The following SOX5 variants were observed in gnomAD, a reference collection of about 807,000 sequenced individuals.
The protein encoded by SOX5 is transcription factor SOX-5.
A neutral mutation model predicts 92.0 loss-of-function variants in SOX5; 9 were observed. The observed-to-expected ratio is 0.10, with a 90% CI of 0.06 to 0.17. The LOEUF is 0.17. Among genes scored for constraint, SOX5 ranks in the 10% least tolerant of loss-of-function variants. The pLI is 1.00. For missense variants in SOX5, 642 were observed against 944.5 expected, an observed-to-expected ratio of 0.68 and a Z score of 4.20; for synonymous variants, 344 against 336.3, an observed-to-expected ratio of 1.02 and a Z score of -0.25.
chr12:24,518,263 T>A (rs1949973902), intron 1 of SOX5, among the ~76,000 whole-genome samples: 1 of 151,956 alleles, frequency 6.6e-6, no homozygotes, highest in African/African-American at 2.4e-5. Flanking sequence ...GAAACGGGGT[T>A]TCACCATGTT....
At position 24,393,490 on chromosome 12, in the gene SOX5, C is replaced by T. The variant is rs57774163; in HGVS notation, c.-250-24851G>A. 0.23 allele frequency among the ~76,000 whole-genome samples: 35,241 copies of T among 151,954 alleles called. 5,820 individuals carry two copies. The highest frequency in any genetic ancestry group is 0.47 in the African/African-American group (19,362 of 41,398). ...AGGGTCATCTGTACTGAGTCTACCA[C>T]CCACCCCAAAATAAGTAGGTATCTG... On this transcript the variant is annotated intron_variant, in intron 1 of 4. Coordinates refer to the SOX5 transcript ENST00000446891. The surrounding 1 kb of genome is among the most constrained non-coding windows in gnomAD (Gnocchi z 5.0).
intron 4 of SOX5, among the ~76,000 whole-genome samples, chr12:23,985,092 C>T (rs1204677472): frequency 1.3e-5 from 2 of 151,910 alleles, no homozygotes; most frequent in African/African-American, 4.8e-5. Context: ...TTTCAAAGAT[C>T]CCCTCTATAA....
At chr12:23,849,195 T>C (rs963790943) in intron 2 of SOX5, among the ~76,000 whole-genome samples, 1 of 152,220 alleles carries the variant, frequency 6.6e-6, no homozygotes, top group Admixed American at 6.5e-5. Context: ...TCAAGTGACA[T>C]TTCATCCTTG....
intron 1 of SOX5, among the ~76,000 whole-genome samples, chr12:24,527,511 C>T (rs1317469143): frequency 6.6e-6 from 1 of 152,196 alleles, no homozygotes; most frequent in Admixed American, 6.5e-5. Flanking sequence ...GAATTCACCT[C>T]TAAATATGAC....
intron 9 of SOX5, among the ~76,000 whole-genome samples, chr12:23,581,354 C>T (rs187435474): frequency 6.6e-6 from 1 of 152,110 alleles, no homozygotes; most frequent in East Asian, 1.9e-4. Flanking sequence ...ATGATTAAAC[C>T]CTTCAGAATA....
intron 4 of SOX5, among the ~76,000 whole-genome samples, chr12:24,175,728 C>G (rs1355961846): frequency 6.6e-6 from 1 of 152,132 alleles, no homozygotes; most frequent in African/African-American, 2.4e-5. Flanking sequence ...ATTTGTGGAG[C>G]CAACACGAGA....
chr12:24,003,786 A>G (rs1951863315), intron 4 of SOX5, among the ~76,000 whole-genome samples: 1 of 151,876 alleles, frequency 6.6e-6, no homozygotes, highest in African/African-American at 2.4e-5. Flanking sequence ...TTTTGGAAAA[A>G]ACTTACAAGT....
rs1451009838 is a variant in SOX5, at chr12:23,531,619, C to G, written c.*2600G>C. The G allele has an allele frequency of 1.3e-5, 2 of 152,060 alleles. No homozygotes were observed. Among genetic ancestry groups the G allele is most frequent in the African/African-American group, 4.8e-5 (2 of 41,414 alleles). 9.4% of individuals were successfully genotyped at this position (152,060 alleles called of 1,614,324 possible). The stretch of plus-strand genomic sequence containing the variant: ...AACAAATTTTTTAAAAATCTGTTTT[C>G]ACATTGTACATAAAAATGATATAAA... On this transcript the variant is annotated 3_prime_UTR_variant, in exon 15 of 15. Transcript: ENST00000451604.
At chr12:24,444,313 C>T (rs1372813185) in intron 1 of SOX5, among the ~76,000 whole-genome samples, 1 of 151,120 alleles carries the variant, frequency 6.6e-6, no homozygotes, top group African/African-American at 2.4e-5. Context: ...TGCACCCATG[C>T]ACGTGTGTGA....
At chr12:24,068,853 A>G (rs1941327971) in intron 4 of SOX5, among the ~76,000 whole-genome samples, 1 of 150,534 alleles carries the variant, frequency 6.6e-6, no homozygotes, top group Non-Finnish European at 1.5e-5. Flanking sequence ...GACTTCAAGG[A>G]CCCTAAAAGT....
At chr12:24,482,935 G>C (rs2137829489) in intron 1 of SOX5, among the ~76,000 whole-genome samples, 1 of 152,216 alleles carries the variant, frequency 6.6e-6, no homozygotes, top group Non-Finnish European at 1.5e-5. Context: ...TAGCATGTGG[G>C]TGTAAATATA....
chr12:23,895,414 T>C (rs77881042), intron 2 of SOX5, among the ~76,000 whole-genome samples: 1,951 of 152,152 alleles, frequency 0.013, 40 homozygotes, highest in African/African-American at 0.043. Flanking sequence ...ATGTTGGAAA[T>C]GTTCAAACTA....
At chr12:24,546,252 C>T (rs1242317694) in intron 1 of SOX5, among the ~76,000 whole-genome samples, 2 of 152,208 alleles carry the variant, frequency 1.3e-5, no homozygotes, top group African/African-American at 4.8e-5. Flanking sequence ...AATATTAATA[C>T]ATCACTGAAT....
At chr12:23,930,940 A>G (rs550268903) in intron 1 of SOX5, among the ~76,000 whole-genome samples, 3 of 151,840 alleles carry the variant, frequency 2.0e-5, no homozygotes, top group Non-Finnish European at 3.0e-5. Context: ...GTGTTCTACC[A>G]TAACACCTGA....
chr12:23,632,726 T>A (rs1871403), intron 8 of SOX5, among the ~76,000 whole-genome samples: 65,464 of 151,904 alleles, frequency 0.43, 14,792 homozygotes, highest in South Asian at 0.58. Flanking sequence ...CCAATATTAC[T>A]TCGTATACCT....
chr12:23,920,765 C>T (rs903869229), intron 1 of SOX5, among the ~76,000 whole-genome samples: 1 of 152,218 alleles, frequency 6.6e-6, no homozygotes, highest in Non-Finnish European at 1.5e-5. Flanking sequence ...TCCATAGTTA[C>T]TTAATTTGAG....
intron 6 of SOX5, among the ~76,000 whole-genome samples, chr12:23,691,974 T>C (rs2088900830): frequency 6.6e-6 from 1 of 152,182 alleles, no homozygotes; most frequent in African/African-American, 2.4e-5. Flanking sequence ...ATTAATTTTC[T>C]TTATTTACTG....
At chr12:24,423,895 T>C (rs1041388231) in intron 1 of SOX5, among the ~76,000 whole-genome samples, 1 of 152,184 alleles carries the variant, frequency 6.6e-6, no homozygotes, top group Non-Finnish European at 1.5e-5. Context: ...CACTGGACAC[T>C]GCGCAGCAAT....
intron 6 of SOX5, among the ~76,000 whole-genome samples, chr12:23,717,149 T>C (rs533032659): frequency 6.6e-6 from 1 of 152,346 alleles, no homozygotes; most frequent in South Asian, 2.1e-4. Flanking sequence ...ATTGGAGTCA[T>C]GTGTAAGCAC....
Sources: allele counts gnomAD v4.1 joint callset (sites outside exome capture counted in the v4.1 genomes callset), GRCh38; gene constraint gnomAD v4.1.1; non-coding constraint Gnocchi (gnomAD v3.1); transcripts MANE v1.5; gene names NCBI Gene and HGNC (gene_info 2026-07-23, HGNC 2026-07-21).